FAM184A: variants seen among roughly 807,000 people sequenced by gnomAD.
The protein encoded by FAM184A is family with sequence similarity 184 member A.
Under a neutral mutation model 143.8 loss-of-function variants are expected in FAM184A, and 99 were observed. The observed-to-expected ratio is 0.69, with a 90% CI of 0.58 to 0.81. The LOEUF is 0.81. Among genes scored for constraint, FAM184A ranks in the 40% least tolerant of loss-of-function variants. The pLI is 0.00. For synonymous variants in FAM184A, 427 were observed against 446.4 expected (o/e 0.96, Z 0.55); for missense variants, 1,217 against 1,310.5 (o/e 0.93, Z 1.10).
chr6:119,097,934 G>A (rs956906955), intron 1 of FAM184A, among the ~76,000 whole-genome samples: 3 of 152,264 alleles, frequency 2.0e-5, no homozygotes, highest in South Asian at 4.2e-4. Context: ...TAATGTTGCT[G>A]AACCAAACTG....
chr6:119,050,698 G>A (rs113725814), intron 1 of FAM184A, among the ~76,000 whole-genome samples: 1,851 of 152,186 alleles, frequency 0.012, 33 homozygotes, highest in African/African-American at 0.042. Context: ...CCAGCTACTC[G>A]GGAGGTTGAG....
chr6:119,077,302 C>T (rs1298067698), intron 1 of FAM184A, among the ~76,000 whole-genome samples: 2 of 152,162 alleles, frequency 1.3e-5, no homozygotes. Flanking sequence ...AGCTTAAACA[C>T]ATTAAGGTAT....
At chr6:119,113,693 C>G (rs1221661657) in intron 1 of FAM184A, among the ~76,000 whole-genome samples, 1 of 152,132 alleles carries the variant, frequency 6.6e-6, no homozygotes, top group Admixed American at 6.5e-5. Context: ...GTAATCTCAG[C>G]ACTTTGGGAG....
chr6:118,976,525 A>G (rs1238595877), intron 11 of FAM184A, among the ~76,000 whole-genome samples: 5 of 151,966 alleles, frequency 3.3e-5, no homozygotes, highest in African/African-American at 1.2e-4. Flanking sequence ...TTAGCCAGGC[A>G]TGGTGGTAGG....
intron 1 of FAM184A, among the ~76,000 whole-genome samples, chr6:119,106,557 G>A (rs1361090287): frequency 1.3e-5 from 2 of 152,164 alleles, no homozygotes; most frequent in Non-Finnish European, 2.9e-5. Context: ...ATGCCATCAG[G>A]CTATTAGTTT....
chr6:118,989,774 G>A (rs1000079260), intron 9 of FAM184A, among the ~76,000 whole-genome samples: 3 of 151,286 alleles, frequency 2.0e-5, no homozygotes, highest in Non-Finnish European at 4.4e-5. Flanking sequence ...AAGAAAATTG[G>A]AAGAACTTTT....
At chr6:118,972,376 A>G (rs1026754992) in intron 14 of FAM184A, among the ~76,000 whole-genome samples, 3 of 152,238 alleles carry the variant, frequency 2.0e-5, no homozygotes, top group Admixed American at 1.3e-4. Context: ...TTTCATTATC[A>G]CAATCTATTG....
At chr6:119,119,224 G>A (rs1361694543) in intron 1 of FAM184A, among the ~76,000 whole-genome samples, 1 of 152,326 alleles carries the variant, frequency 6.6e-6, no homozygotes, top group East Asian at 1.9e-4. Context: ...TTTCGCCCCG[G>A]TCCTGTGGTC....
chr6:119,003,530 G>C lies in FAM184A; in HGVS notation c.1908C>G (p.Asp636Glu). The C allele has an allele frequency of 2.5e-6, 4 of 1,612,910 alleles. No homozygotes were observed. Among genetic ancestry groups the C allele is most frequent in the Non-Finnish European group, 3.4e-6 (4 of 1,179,422 alleles). Residue 636 changes from aspartate (D) to glutamate (E), a missense_variant, in exon 8 of 18, where the codon GAC (aspartate) becomes GAG (glutamate). Coordinates refer to ENST00000338891, the MANE Select transcript of FAM184A (RefSeq NM_024581.6). ...GATTTTCAGTCCACTTAATTTCTAA[G>C]TCATGGGCCATTTTGTCCACTTTGA... ...EKLKVDKMAH[D>E]LEIKWTENLR...
intron 9 of FAM184A, among the ~76,000 whole-genome samples, chr6:118,990,872 A>G (rs902758550): frequency 6.6e-6 from 1 of 152,248 alleles, no homozygotes; most frequent in Non-Finnish European, 1.5e-5. Flanking sequence ...CATGGGTGAC[A>G]GAGTGAGACT....
At chr6:119,025,536 T>C (rs1785600638) in intron 1 of FAM184A, 3 of 518,658 alleles carry the variant, frequency 5.8e-6, no homozygotes, top group Non-Finnish European at 1.2e-5. Context: ...GTACAGGTCT[T>C]TATTTTCATT....
intron 1 of FAM184A, among the ~76,000 whole-genome samples, chr6:119,127,796 G>A (rs533832400): frequency 2.6e-5 from 4 of 152,320 alleles, no homozygotes; most frequent in East Asian, 1.9e-4. Flanking sequence ...TATGTGCAGT[G>A]TGGAATTGTT....
In FAM184A at chr6:119,006,541, G is replaced by A. The variant is rs371465166; in HGVS notation, c.1721C>T (p.Ala574Val). Reference protein sequence around the residue: ...QGLGSAEGLIASLQDSQERLQ... With the variant: ...QGLGSAEGLIVSLQDSQERLQ... The stretch of plus-strand genomic sequence containing the variant: ...CCTTTCCTGGGAGTCCTGAAGACTA[G>A]CAATAAGTCCTTCTGCAGAGCCAAG... Residue 574 changes from alanine (A) to valine (V), a missense_variant, in exon 7 of 18, where the codon GCT becomes GTT. Physicochemically the swap from Ala to Val is moderately conservative, Grantham distance 64. Transcript: ENST00000338891. 2 of 1,613,818 alleles carry A rather than the reference G, an allele frequency of 1.2e-6. No homozygotes were observed. The highest frequency in any genetic ancestry group is 2.7e-5 in the African/African-American group (2 of 74,878).
At chr6:119,028,935 T>C (rs999263484) in intron 1 of FAM184A, among the ~76,000 whole-genome samples, 1 of 152,164 alleles carries the variant, frequency 6.6e-6, no homozygotes, top group Admixed American at 6.5e-5. Context: ...AGAGAACTGG[T>C]TGTTGGGAGA....
At chr6:119,102,605 T>C (rs1240945886) in intron 1 of FAM184A, among the ~76,000 whole-genome samples, 2 of 151,522 alleles carry the variant, frequency 1.3e-5, no homozygotes, top group Admixed American at 6.6e-5. Context: ...CTGGCCAATA[T>C]GGTGAAGCCC....
At chr6:119,108,240 C>T (rs532807301) in intron 1 of FAM184A, among the ~76,000 whole-genome samples, 1 of 151,774 alleles carries the variant, frequency 6.6e-6, no homozygotes, top group South Asian at 2.1e-4. Flanking sequence ...CCTTTTGATG[C>T]CTTGATATAT....
intron 1 of FAM184A, among the ~76,000 whole-genome samples, chr6:119,130,830 T>C (rs1459712310): frequency 2.0e-5 from 3 of 151,714 alleles, no homozygotes; most frequent in African/African-American, 7.3e-5. Flanking sequence ...TGACATAGTG[T>C]CCTGCTCAGA....
intron 1 of FAM184A, among the ~76,000 whole-genome samples, chr6:119,090,631 T>C (rs1007426338): frequency 6.6e-6 from 1 of 152,214 alleles, no homozygotes; most frequent in Non-Finnish European, 1.5e-5. Context: ...CTTCTGATTG[T>C]TAAAAGGACT....
chr6:118,979,262 C>G (rs767302608), intron 11 of FAM184A, 103 bp downstream of exon 11: 3 of 1,095,800 alleles, frequency 2.7e-6, no homozygotes, highest in Non-Finnish European at 3.9e-6. Context: ...TTCATTTTGA[C>G]GTTTCAAAAT....
Sources: gnomAD v4.1 joint callset for allele counts (sites outside exome capture counted in the v4.1 genomes callset) on GRCh38, gnomAD v4.1.1 for gene constraint, MANE v1.5 for transcripts, NCBI Gene and HGNC (gene_info 2026-07-23, HGNC 2026-07-21) for gene names.